VEPH1: variants seen among roughly 807,000 people sequenced by gnomAD.
VEPH1 encodes the protein ventricular zone expressed PH domain containing 1, also known as ventricular zone-expressed PH domain-containing protein homolog 1.
In VEPH1, 80 loss-of-function variants were observed where a neutral mutation model predicts 85.2. The observed-to-expected ratio is 0.94, with a 90% CI of 0.78 to 1.13. The LOEUF is 1.13. Among genes scored for constraint, VEPH1 ranks in the 50% most tolerant of loss-of-function variants. The pLI is 0.00. For synonymous variants in VEPH1, 297 were observed against 348.0 expected, an observed-to-expected ratio of 0.85 and a Z score of 1.63; for missense variants, 955 against 980.5, an observed-to-expected ratio of 0.97 and a Z score of 0.35.
intron 9 of VEPH1, among the ~76,000 whole-genome samples, chr3:157,328,372 T>C (rs1299561458): frequency 6.6e-6 from 1 of 152,206 alleles, no homozygotes; most frequent in African/African-American, 2.4e-5. Flanking sequence ...AATGTTTGAA[T>C]GTTGCTGTAA....
intron 5 of VEPH1, 133 bp from the exon 6 acceptor site, chr3:157,414,223 T>G (rs1731732328): frequency 6.5e-6 from 4 of 618,280 alleles, no homozygotes; most frequent in Non-Finnish European, 1.1e-5. Context: ...ATTATTACCC[T>G]CCTTGGTACT....
intron 12 of VEPH1, among the ~76,000 whole-genome samples, chr3:157,277,657 T>C (rs920619350): frequency 6.6e-6 from 1 of 152,170 alleles, no homozygotes; most frequent in Non-Finnish European, 1.5e-5. Flanking sequence ...ATAAACACCA[T>C]CACATGCTGT....
chr3:157,293,135 T>C (rs1028144522), intron 11 of VEPH1, among the ~76,000 whole-genome samples: 8 of 152,018 alleles, frequency 5.3e-5, no homozygotes, highest in African/African-American at 1.7e-4. Context: ...GGTGTGAAAA[T>C]TGAACTCATT....
intron 6 of VEPH1, among the ~76,000 whole-genome samples, chr3:157,387,730 A>C (rs1292916400): frequency 6.6e-6 from 1 of 152,184 alleles, no homozygotes; most frequent in South Asian, 2.1e-4. Flanking sequence ...GCTGCACATT[A>C]GAATCCCCTG....
intron 6 of VEPH1, among the ~76,000 whole-genome samples, chr3:157,391,913 A>C (rs1729891359): frequency 6.9e-6 from 1 of 145,558 alleles, no homozygotes. Context: ...GCAAGGAGAG[A>C]TTGGGGGCCT....
chr3:157,312,880 C>T (rs2108510608), intron 11 of VEPH1, among the ~76,000 whole-genome samples: 1 of 149,892 alleles, frequency 6.7e-6, no homozygotes, highest in South Asian at 2.1e-4. Context: ...GCTACTATGC[C>T]TGGCTAATTA....
intron 4 of VEPH1, among the ~76,000 whole-genome samples, chr3:157,435,250 T>G (rs1038727635): frequency 3.7e-4 from 57 of 152,244 alleles, no homozygotes; most frequent in Non-Finnish European, 2.5e-4. Flanking sequence ...ATGCAGTTCT[T>G]GGGGAGAGGT....
chr3:157,348,687 G>A (rs2108690961), intron 9 of VEPH1, among the ~76,000 whole-genome samples: 1 of 152,318 alleles, frequency 6.6e-6, no homozygotes, highest in African/African-American at 2.4e-5. Flanking sequence ...CAGAGGCCTG[G>A]TGCCTCCACG....
At chr3:157,333,453 G>T (rs1245865276) in intron 9 of VEPH1, among the ~76,000 whole-genome samples, 1 of 152,108 alleles carries the variant, frequency 6.6e-6, no homozygotes, top group Non-Finnish European at 1.5e-5. Flanking sequence ...AAGGAATCTG[G>T]GATATTTTCA....
At chr3:157,430,523 C>A (rs1331356945) in intron 4 of VEPH1, among the ~76,000 whole-genome samples, 1 of 134,252 alleles carries the variant, frequency 7.4e-6, no homozygotes, top group Non-Finnish European at 1.7e-5. Flanking sequence ...ATCAATAATG[C>A]TGAAATAACT....
intron 7 of VEPH1, among the ~76,000 whole-genome samples, chr3:157,375,029 T>A (rs1177649030): frequency 1.3e-5 from 2 of 152,224 alleles, no homozygotes; most frequent in Non-Finnish European, 2.9e-5. Flanking sequence ...GGAATTACCA[T>A]GGACTCACAG....
chr3:157,418,729 A>C (rs767614196), intron 5 of VEPH1, among the ~76,000 whole-genome samples: 1 of 152,208 alleles, frequency 6.6e-6, no homozygotes, highest in African/African-American at 2.4e-5. Flanking sequence ...AGATAGAAAG[A>C]ATCAGTATTG....
At chr3:157,290,035 A>AAC (rs34035101) in intron 11 of VEPH1, among the ~76,000 whole-genome samples, 7,849 of 144,224 alleles carry the variant, frequency 0.054, 256 homozygotes, top group Non-Finnish European at 0.078. Context: ...ATTATACACA[A>AAC]ACACACACAC....
At chr3:157,367,816 G>C (rs2047649) in intron 7 of VEPH1, among the ~76,000 whole-genome samples, 104,922 of 152,018 alleles carry the variant, frequency 0.69, 36,504 homozygotes, top group East Asian at 0.78. Flanking sequence ...TGACTATACA[G>C]ATTTTTAAAC....
intron 5 of VEPH1, among the ~76,000 whole-genome samples, chr3:157,424,981 A>T (rs1436555094): frequency 1.3e-5 from 2 of 152,232 alleles, no homozygotes; most frequent in Non-Finnish European, 2.9e-5. Context: ...AGAGGTCTTC[A>T]TGGCAGCCCC....
chr3:157,470,179 G>T, intron 3 of VEPH1, 135 bp downstream of exon 3: 1 of 763,166 alleles, frequency 1.3e-6, no homozygotes, highest in Non-Finnish European at 2.1e-6. Context: ...GGCCCTCCCA[G>T]CTATTGATGG....
chr3:157,305,036 ATATC>A (rs10530716), intron 11 of VEPH1, among the ~76,000 whole-genome samples: 425 of 139,572 alleles, frequency 3.0e-3, no homozygotes, highest in African/African-American at 5.1e-3. Context: ...GTGTATTGTT[ATATC>A]TATCTATCTA....
intron 4 of VEPH1, among the ~76,000 whole-genome samples, chr3:157,429,844 G>A (rs1733013380): frequency 6.6e-6 from 1 of 152,150 alleles, no homozygotes; most frequent in Non-Finnish European, 1.5e-5. Flanking sequence ...CACATTAAAA[G>A]GGACTGTAGT....
intron 12 of VEPH1, among the ~76,000 whole-genome samples, chr3:157,272,243 TCC>T: frequency 1.4e-4 from 1 of 7,276 alleles, no homozygotes; most frequent in Admixed American, 2.1e-3. Context: ...CTTTTCTTCT[TCC>T]TTCCTTCCTT....
Sources: gnomAD v4.1 joint callset for allele counts (sites outside exome capture counted in the v4.1 genomes callset) on GRCh38, gnomAD v4.1.1 for gene constraint, MANE v1.5 for transcripts, NCBI Gene and HGNC (gene_info 2026-07-23, HGNC 2026-07-21) for gene names.